Variants in COL24A1 observed in about 807,000 individuals in gnomAD.
COL24A1 encodes the protein collagen type XXIV alpha 1 chain.
A neutral mutation model predicts 253.9 loss-of-function variants in COL24A1; 224 were observed. The observed-to-expected ratio is 0.88, with a 90% CI of 0.79 to 0.99. The LOEUF (loss-of-function observed/expected upper bound fraction) is 0.99, where lower values mean the gene tolerates loss of function less well. COL24A1 is among the 50% of genes least tolerant of loss of function. The probability of loss-of-function intolerance (pLI) is 0.00; values close to 1 mark genes in which losing one functional copy is unlikely to be tolerated. For missense variants in COL24A1, 2,131 were observed against 2,068.5 expected, an observed-to-expected ratio of 1.03 and a Z score of -0.59; for synonymous variants, 685 against 673.7, an observed-to-expected ratio of 1.02 and a Z score of -0.26.
chr1:86,011,847 T>C (rs977494362), intron 19 of COL24A1, among the ~76,000 whole-genome samples: 24 of 152,232 alleles, frequency 1.6e-4, no homozygotes, highest in African/African-American at 5.8e-4. Flanking sequence ...ACTCTCATTC[T>C]ATTGGATAAA....
intron 55 of COL24A1, among the ~76,000 whole-genome samples, chr1:85,759,496 C>T (rs1666623498): frequency 6.6e-6 from 1 of 152,058 alleles, no homozygotes. Flanking sequence ...AAATCTTATC[C>T]TCAATGTTAT....
intron 24 of COL24A1, among the ~76,000 whole-genome samples, chr1:85,945,151 G>C (rs1571321367): frequency 6.6e-6 from 1 of 150,676 alleles, no homozygotes; most frequent in South Asian, 2.1e-4. Flanking sequence ...CTGAGTAGCT[G>C]GGACTACAGG....
chr1:86,131,353 T>C (rs1374838586), intron 2 of COL24A1, among the ~76,000 whole-genome samples: 3 of 151,806 alleles, frequency 2.0e-5, no homozygotes, highest in Non-Finnish European at 4.4e-5. Context: ...TTCTATTTCA[T>C]AGTTTTGGTT....
intron 41 of COL24A1, 101 bp from the exon 42 acceptor site, chr1:85,841,379 ATGT>A: frequency 1.3e-6 from 1 of 790,788 alleles, no homozygotes; most frequent in Non-Finnish European, 2.0e-6. Flanking sequence ...ATGCAGTTTG[ATGT>A]TATCTTTTTT....
intron 23 of COL24A1, among the ~76,000 whole-genome samples, chr1:85,963,262 A>G (rs1232687301): frequency 2.0e-5 from 3 of 152,160 alleles, no homozygotes; most frequent in African/African-American, 4.8e-5. Context: ...AATGAAGCAC[A>G]GCAGTAGGTT....
At chr1:85,953,332 G>A (rs1302018381) in intron 24 of COL24A1, among the ~76,000 whole-genome samples, 2 of 152,102 alleles carry the variant, frequency 1.3e-5, no homozygotes, top group African/African-American at 4.8e-5. Flanking sequence ...CCCTACCTAA[G>A]AGAATAGTAA....
intron 19 of COL24A1, among the ~76,000 whole-genome samples, chr1:85,999,130 C>T (rs996400654): frequency 4.6e-5 from 7 of 152,110 alleles, no homozygotes; most frequent in African/African-American, 1.7e-4. Flanking sequence ...TTGAGAGAAG[C>T]CCATGGGAAA....
At chr1:85,755,427 T>C (rs1181338805) in intron 55 of COL24A1, among the ~76,000 whole-genome samples, 1 of 152,114 alleles carries the variant, frequency 6.6e-6, no homozygotes, top group Non-Finnish European at 1.5e-5. Flanking sequence ...GTAGCCAAAA[T>C]AATTTTGAAA....
At chr1:85,816,091 C>T (rs1301429616) in intron 47 of COL24A1, among the ~76,000 whole-genome samples, 1 of 152,102 alleles carries the variant, frequency 6.6e-6, no homozygotes, top group Admixed American at 6.6e-5. Context: ...GCTACTACCC[C>T]TGGTGACTGC....
intron 19 of COL24A1, among the ~76,000 whole-genome samples, chr1:86,002,335 CTG>C (rs1214863744): frequency 1.3e-5 from 2 of 152,226 alleles, no homozygotes; most frequent in East Asian, 3.8e-4. Flanking sequence ...TGGAGGGTGA[CTG>C]TAGACTACCA....
intron 52 of COL24A1, among the ~76,000 whole-genome samples, chr1:85,776,528 T>A (rs538548311): frequency 1.3e-5 from 2 of 152,092 alleles, no homozygotes; most frequent in East Asian, 3.9e-4. Context: ...TTCTGTAACC[T>A]GAATTTACAC....
intron 19 of COL24A1, among the ~76,000 whole-genome samples, chr1:85,991,318 T>C (rs915421566): frequency 6.6e-6 from 1 of 152,148 alleles, no homozygotes; most frequent in African/African-American, 2.4e-5. Flanking sequence ...AAACAGGGAA[T>C]AGAGAGAGAA....
chr1:86,112,577 G>C lies in COL24A1; in HGVS notation c.1589C>G (p.Pro530Arg). The change falls in exon 5 of 60, where the codon CCT (proline) becomes CGT (arginine). Residue 530 changes from proline (P) to arginine (R), a missense_variant. Transcript: ENST00000370571. ...PHGNPGLPGL[P>R]GPKGPKGDPG... ...TTAGTAGTCACTTACCTTTGGACCA[G>C]GTAATCCAGGTAAACCAGGATTTCC... The C allele has an allele frequency of 3.1e-6, 5 of 1,612,982 alleles. No homozygotes were observed. Among genetic ancestry groups the C allele is most frequent in the Non-Finnish European group, 4.2e-6 (5 of 1,179,322 alleles).
intron 47 of COL24A1, among the ~76,000 whole-genome samples, chr1:85,808,663 C>A (rs966129769): frequency 6.6e-6 from 1 of 152,192 alleles, no homozygotes; most frequent in Non-Finnish European, 1.5e-5. Context: ...TAGAAAAGAA[C>A]AAGCACCCTA....
At chr1:86,053,240 T>C (rs74500124) in intron 10 of COL24A1, among the ~76,000 whole-genome samples, 3,196 of 152,100 alleles carry the variant, frequency 0.021, 38 homozygotes, top group Middle Eastern at 0.068. Context: ...GTTTTGGTTA[T>C]AAATAAAAAG....
intron 32 of COL24A1, among the ~76,000 whole-genome samples, chr1:85,883,425 T>C (rs955131817): frequency 6.6e-6 from 1 of 152,052 alleles, no homozygotes; most frequent in Non-Finnish European, 1.5e-5. Context: ...TTTACCATGT[T>C]GTCCAGGCTG....
rs868575128 is a variant in COL24A1 at position 85,961,432 on chromosome 1, C to T, written c.2518-139G>A. 2.2e-5 allele frequency: 15 copies of T among 675,218 alleles called. 1 individual carries two copies. The highest frequency in any genetic ancestry group is 3.6e-4 in the Middle Eastern group (1 of 2,788). 41.8% of individuals were successfully genotyped at this position (675,218 alleles called of 1,614,324 possible). A position where few individuals can be genotyped will look rare whatever the true frequency, so the allele number is the denominator to read the frequency against. The stretch of plus-strand genomic sequence containing the variant: ...CAAAGGAAATTTCAGTTACTTAAAA[C>T]TTTGTTATAAGTGGAGCAAACCACC... On this transcript the variant is annotated intron_variant, in intron 23 of 59. Coordinates refer to ENST00000370571, the MANE Select transcript of COL24A1 (RefSeq NM_152890.7).
intron 31 of COL24A1, among the ~76,000 whole-genome samples, chr1:85,893,829 A>G (rs1470434723): frequency 6.6e-6 from 1 of 152,032 alleles, no homozygotes; most frequent in Non-Finnish European, 1.5e-5. Context: ...ATTTTTAGAG[A>G]TGGGGGTCTC....
At chr1:85,763,724 G>C (rs1418999450) in intron 53 of COL24A1, among the ~76,000 whole-genome samples, 1 of 151,672 alleles carries the variant, frequency 6.6e-6, no homozygotes, top group African/African-American at 2.4e-5. Flanking sequence ...CAAACTCCTG[G>C]CCTCAAGTGA....
Sources: gnomAD v4.1 joint callset for allele counts (sites outside exome capture counted in the v4.1 genomes callset) on GRCh38, gnomAD v4.1.1 for gene constraint, MANE v1.5 for transcripts, NCBI Gene and HGNC (gene_info 2026-07-23, HGNC 2026-07-21) for gene names.